Variants in MECOM observed in about 807,000 individuals in gnomAD.
MECOM encodes the protein MDS1 and EVI1 complex locus.
MECOM carries 13 observed loss-of-function variants against 116.3 expected under a neutral mutation model. The ratio of observed to expected loss-of-function variants is 0.11; its 90% CI spans 0.07 to 0.18. The LOEUF is 0.18. Among genes scored for constraint, MECOM ranks in the 10% least tolerant of loss-of-function variants. The pLI is 1.00. For missense variants in MECOM, 1,299 were observed against 1,509.0 expected, an observed-to-expected ratio of 0.86 and a Z score of 2.31; for synonymous variants, 528 against 535.2, an observed-to-expected ratio of 0.99 and a Z score of 0.19.
At chr3:169,445,799 C>T (rs1424100465) in intron 1 of MECOM, among the ~76,000 whole-genome samples, 2 of 152,144 alleles carry the variant, frequency 1.3e-5, no homozygotes, top group Non-Finnish European at 2.9e-5. Flanking sequence ...CAGAGCTGCC[C>T]AAGACCATGG....
At chr3:169,541,488 T>C (rs568138312) in intron 1 of MECOM, among the ~76,000 whole-genome samples, 2 of 152,354 alleles carry the variant, frequency 1.3e-5, no homozygotes, top group South Asian at 4.1e-4. Context: ...TTCACTAGCC[T>C]TGCTTGTTGC....
chr3:169,216,743 T>C (rs1010382269), intron 2 of MECOM, among the ~76,000 whole-genome samples: 2 of 152,084 alleles, frequency 1.3e-5, no homozygotes, highest in African/African-American at 4.8e-5. Context: ...AAATAGTTTA[T>C]AAAATTATGA....
intron 3 of MECOM, 99 bp downstream of exon 3, chr3:169,143,599 C>T: frequency 8.5e-7 from 1 of 1,182,664 alleles, no homozygotes; most frequent in Non-Finnish European, 1.1e-6. Context: ...AACAAACAGG[C>T]CACAAGGGTC....
At chr3:169,165,411 T>C (rs2093282913) in intron 2 of MECOM, among the ~76,000 whole-genome samples, 1 of 152,134 alleles carries the variant, frequency 6.6e-6, no homozygotes, top group Non-Finnish European at 1.5e-5. Flanking sequence ...AGTGTGTAAT[T>C]AGTCTATGTT....
chr3:169,385,557 C>A lies in MECOM; in HGVS notation c.38-4033G>T, dbSNP rs75567973. On this transcript the variant is annotated intron_variant, in intron 1 of 16. Coordinates refer to ENST00000651503, the MANE Select transcript of MECOM (RefSeq NM_004991.4). Reference sequence around the variant, plus strand: ...GAGTTTTACGTATCAAAACATGCAACAATATTTCAATGTAATCTAGCATTA... The same window carrying A: ...GAGTTTTACGTATCAAAACATGCAAAAATATTTCAATGTAATCTAGCATTA... Among the ~76,000 whole-genome samples, 654 of 152,138 alleles carry A rather than the reference C, an allele frequency of 4.3e-3. 6 individuals carry two copies. Among genetic ancestry groups the A allele is most frequent in the African/African-American group, 0.015 (629 of 41,516 alleles).
At chr3:169,602,024 A>G (rs968223787) in intron 1 of MECOM, among the ~76,000 whole-genome samples, 4 of 152,220 alleles carry the variant, frequency 2.6e-5, no homozygotes, top group African/African-American at 9.6e-5. Context: ...GAACCCATTA[A>G]TTACCACGTA....
rs1235832164 is a variant in MECOM at position 169,659,893 on chromosome 3, A to G, written c.37+3443T>C. ...AGAGCCTTTTTTTAAACAGAGAGCAAGTGTAGGAGTAACAAGTGCCCCCCT... is the reference window on the plus strand; with the variant it reads ...AGAGCCTTTTTTTAAACAGAGAGCAGGTGTAGGAGTAACAAGTGCCCCCCT... On this transcript the variant is annotated intron_variant, in intron 1 of 16. Transcript: ENST00000651503. 5.3e-5 allele frequency among the ~76,000 whole-genome samples: 8 copies of G among 152,066 alleles called. No homozygotes were observed. The East Asian group carries it at 5.8e-4, about 11-fold the overall frequency.
At chr3:169,659,505 G>C (rs1775995241) in intron 1 of MECOM, among the ~76,000 whole-genome samples, 1 of 116,078 alleles carries the variant, frequency 8.6e-6, no homozygotes, top group Non-Finnish European at 1.6e-5. Flanking sequence ...CAAGAAGACT[G>C]TGCTCCAAGT....
intron 1 of MECOM, among the ~76,000 whole-genome samples, chr3:169,596,975 A>G (rs1192642209): frequency 6.6e-6 from 1 of 152,212 alleles, no homozygotes; most frequent in Non-Finnish European, 1.5e-5. Flanking sequence ...TCTTAGGACA[A>G]TGAAAGTTTT....
intron 2 of MECOM, among the ~76,000 whole-genome samples, chr3:169,245,334 C>T (rs981651756): frequency 4.6e-5 from 7 of 151,990 alleles, no homozygotes; most frequent in Non-Finnish European, 8.8e-5. Context: ...AAATTCAAAC[C>T]AGAGACATTA....
At chr3:169,559,504 T>C (rs1258965108) in intron 1 of MECOM, among the ~76,000 whole-genome samples, 1 of 152,206 alleles carries the variant, frequency 6.6e-6, no homozygotes, top group Non-Finnish European at 1.5e-5. Flanking sequence ...CCTGCACACC[T>C]CCTGGGGTGT....
chr3:169,519,764 TA>T (rs1448636456), intron 1 of MECOM, among the ~76,000 whole-genome samples: 1 of 152,258 alleles, frequency 6.6e-6, no homozygotes. Flanking sequence ...AGTTGCTCAC[TA>T]AAACAAATGC....
intron 2 of MECOM, among the ~76,000 whole-genome samples, chr3:169,236,329 A>T (rs1296789116): frequency 1.3e-5 from 2 of 152,208 alleles, no homozygotes; most frequent in Non-Finnish European, 2.9e-5. Context: ...ATGATATTTC[A>T]AAAAGCAACT....
intron 1 of MECOM, among the ~76,000 whole-genome samples, chr3:169,484,672 AT>A (rs1412947842): frequency 3.9e-5 from 6 of 152,222 alleles, no homozygotes; most frequent in Non-Finnish European, 8.8e-5. Context: ...TCAGCTAATA[AT>A]GGAAATAATA....
At chr3:169,143,977 G>T in intron 2 of MECOM, 145 bp from the exon 3 acceptor site, 1 of 868,916 alleles carries the variant, frequency 1.2e-6, no homozygotes, top group Non-Finnish European at 1.6e-6. Context: ...TAATAGAGGG[G>T]AAATGAGAAG....
intron 1 of MECOM, among the ~76,000 whole-genome samples, chr3:169,484,896 C>T (rs896816716): frequency 6.6e-6 from 1 of 152,036 alleles, no homozygotes; most frequent in Non-Finnish European, 1.5e-5. Context: ...ATTACATTAG[C>T]TAGTTGATAT....
At chr3:169,335,295 A>G (rs1723422040) in intron 2 of MECOM, among the ~76,000 whole-genome samples, 2 of 152,170 alleles carry the variant, frequency 1.3e-5, no homozygotes, top group Admixed American at 6.6e-5. Context: ...CTGAGAGCTC[A>G]GCATTTGTGA....
chr3:169,116,868 G>T, intron 7 of MECOM, 129 bp from the exon 8 acceptor site: 1 of 1,190,774 alleles, frequency 8.4e-7, no homozygotes, highest in South Asian at 1.8e-5. Flanking sequence ...GCACCAATCT[G>T]GGTGCTCCAA....
intron 1 of MECOM, among the ~76,000 whole-genome samples, chr3:169,583,550 A>G (rs1222441667): frequency 6.6e-6 from 1 of 152,136 alleles, no homozygotes; most frequent in Non-Finnish European, 1.5e-5. Flanking sequence ...GGATTAGTGC[A>G]TGCCAACCCA....
Sources: allele counts gnomAD v4.1 joint callset (sites outside exome capture counted in the v4.1 genomes callset), GRCh38; gene constraint gnomAD v4.1.1; transcripts MANE v1.5; gene names NCBI Gene and HGNC (gene_info 2026-07-23, HGNC 2026-07-21).